CCDC93: variants seen among roughly 807,000 people sequenced by gnomAD.
CCDC93 encodes coiled-coil domain-containing protein 93.
CCDC93 carries 61 observed loss-of-function variants against 108.2 expected under a neutral mutation model. The ratio of observed to expected loss-of-function variants is 0.56; its 90% confidence interval spans 0.46 to 0.70. The LOEUF (loss-of-function observed/expected upper bound fraction) is 0.70, where lower values mean the gene tolerates loss of function less well. Ranked by LOEUF, CCDC93 falls within the 30% of genes least tolerant of loss-of-function variation. The probability of loss-of-function intolerance (pLI) is 0.00; values close to 1 mark genes in which losing one functional copy is unlikely to be tolerated. For synonymous variants in CCDC93, 276 were observed against 260.4 expected, an observed-to-expected ratio of 1.06 and a Z score of -0.58; for missense variants, 685 against 764.2, an observed-to-expected ratio of 0.90 and a Z score of 1.22.
chr2:117,953,265 T>C (rs1200409870), intron 12 of CCDC93, among the ~76,000 whole-genome samples: 1 of 152,216 alleles, frequency 6.6e-6, no homozygotes, highest in South Asian at 2.1e-4. Flanking sequence ...TTAAGAGTTA[T>C]GTCACCTTCA....
rs1677751846 is a variant in CCDC93 at position 117,918,257 on chromosome 2, C to A, written c.*2086G>T. On this transcript the variant is annotated 3_prime_UTR_variant, in exon 24 of 24. Coordinates refer to ENST00000376300, the MANE Select transcript of CCDC93 (RefSeq NM_019044.5). Reference sequence around the variant, plus strand: ...TTGAGCTCAAACTGGCTTCTGTAGTCTAATTCAAAGTGTATTCAGGCAACA... The same window carrying A: ...TTGAGCTCAAACTGGCTTCTGTAGTATAATTCAAAGTGTATTCAGGCAACA... 6.6e-6 allele frequency: 1 copy of A among 151,924 alleles called. No homozygotes were observed. The highest frequency in any genetic ancestry group is 2.1e-4 in the South Asian group (1 of 4,822). The allele number at this position is 151,924 out of a possible 1,614,324, so 9.4% of individuals were successfully genotyped here. A position where few individuals can be genotyped will look rare whatever the true frequency, so the allele number is the denominator to read the frequency against.
In CCDC93 at chr2:117,974,848, ACCT is replaced by A. The variant is rs781107215; in HGVS notation, c.800_801+1del. 2.8e-5 allele frequency: 44 copies of A among 1,569,244 alleles called. No homozygotes were observed. Among genetic ancestry groups the A allele is most frequent in the South Asian group, 3.5e-5 (3 of 85,166 alleles). On this transcript the variant is annotated splice_donor_variant and coding_sequence_variant, in exon 10 of 24. Coordinates refer to ENST00000376300, the MANE Select transcript of CCDC93 (RefSeq NM_019044.5). LOFTEE classifies it high-confidence loss of function. ...CCCCACACCTCCCCGACTCCCACTC[ACCT>A]CCTCATTTGCCATAGCGGTCATCTT...
rs548007544 is a variant in CCDC93 at position 117,928,665 on chromosome 2, C to G, written c.1842+2372G>C. ...GAACACTTTTACACTGTTGGTGGGA[C>G]TGTAAACTAGTTCAACCATTGTGGA... On this transcript the variant is annotated intron_variant, in intron 23 of 23. Transcript: ENST00000376300. Among the ~76,000 whole-genome samples, 6 of 152,278 alleles carry G rather than the reference C, an allele frequency of 3.9e-5. No homozygotes were observed. The East Asian group carries it at 9.7e-4, about 25-fold the overall frequency.
chr2:117,997,953 C>A (rs570067205), intron 4 of CCDC93: 63 of 152,378 alleles, frequency 4.1e-4, no homozygotes, highest in African/African-American at 1.5e-3. Context: ...TGGCTGGATC[C>A]TGGAGAGCAT....
At chr2:118,001,158 G>GT (rs1680839202) in intron 3 of CCDC93, 2 of 401,068 alleles carry the variant, frequency 5.0e-6, no homozygotes, top group Non-Finnish European at 8.9e-6. Context: ...ATTCTATAAT[G>GT]TTTTTCTTCC....
intron 7 of CCDC93, among the ~76,000 whole-genome samples, chr2:117,978,337 G>A (rs181312532): frequency 4.2e-4 from 64 of 152,224 alleles, no homozygotes; most frequent in East Asian, 2.3e-3. Flanking sequence ...TCAGAGCCAC[G>A]GTTTAAGCTA....
chr2:117,954,485 T>C (rs1679156740), intron 12 of CCDC93, among the ~76,000 whole-genome samples: 1 of 152,194 alleles, frequency 6.6e-6, no homozygotes, highest in Non-Finnish European at 1.5e-5. Context: ...ATAGGAAGTG[T>C]CCCAGTAGCT....
chr2:117,980,514 G>A (rs981514439), intron 7 of CCDC93, among the ~76,000 whole-genome samples: 2 of 152,124 alleles, frequency 1.3e-5, no homozygotes, highest in Non-Finnish European at 2.9e-5. Flanking sequence ...CCTCCTTAAA[G>A]ACAGAGGCTC....
chr2:118,003,174 G>GC (rs2104826407), intron 3 of CCDC93, among the ~76,000 whole-genome samples: 1 of 152,338 alleles, frequency 6.6e-6, no homozygotes, highest in Admixed American at 6.5e-5. Flanking sequence ...TATGTTGCCT[G>GC]CCCCACAGGG....
At chr2:117,933,146 G>A (rs144625367) in intron 22 of CCDC93, among the ~76,000 whole-genome samples, 18 of 152,290 alleles carry the variant, frequency 1.2e-4, no homozygotes, top group South Asian at 2.1e-4. Flanking sequence ...TGAATGCTAC[G>A]TCCTTTAGCT....
At chr2:117,935,767 C>A (rs1678501924) in intron 21 of CCDC93, 188 bp from the exon 22 acceptor site, 1 of 426,052 alleles carries the variant, frequency 2.3e-6, no homozygotes, top group African/African-American at 2.0e-5. Flanking sequence ...TCTGAGAAGG[C>A]ATGGAAATTA....
chr2:117,950,643 AT>A lies in CCDC93; in HGVS notation c.1069-1249del, dbSNP rs1246517513. 5.1e-6 allele frequency: 5 copies of A among 985,468 alleles called. No individual in the cohort carries two copies. The African/African-American group carries it at 8.7e-5, about 17-fold the overall frequency. The allele number at this position is 985,468 out of a possible 1,614,324, so 61.0% of individuals were successfully genotyped here. On this transcript the variant is annotated intron_variant, in intron 13 of 23. Transcript: ENST00000376300. ...TGGAATGAAAGGGTTCAGAGCGCTC[AT>A]TCTGCTTACTCCTAACCTTGATAGG...
At position 117,931,393 on chromosome 2, in the gene CCDC93, T is replaced by C. The variant is rs1678322726; in HGVS notation, c.1729-243A>G. On this transcript the variant is annotated intron_variant, in intron 22 of 23. Coordinates refer to ENST00000376300, the MANE Select transcript of CCDC93 (RefSeq NM_019044.5). ...TTCCATTTTTTTTTCTCACTACAATTTCACAATGGACAGGTTGGTGATTCT... is the reference window on the plus strand; with the variant it reads ...TTCCATTTTTTTTTCTCACTACAATCTCACAATGGACAGGTTGGTGATTCT... The C allele has an allele frequency of 1.3e-5, 5 of 380,582 alleles. No individual in the cohort carries two copies. In the East Asian group the frequency reaches 2.2e-4, roughly 17 times the overall value. 23.6% of individuals were successfully genotyped at this position (380,582 alleles called of 1,614,324 possible). A position where few individuals can be genotyped will look rare whatever the true frequency, so the allele number is the denominator to read the frequency against.
chr2:117,972,871 T>A (rs989174306), intron 11 of CCDC93, among the ~76,000 whole-genome samples: 10 of 152,172 alleles, frequency 6.6e-5, no homozygotes, highest in South Asian at 2.1e-4. Context: ...GACAGGACAC[T>A]CTGGATTCTA....
Position 117,974,169 on chromosome 2 carries a change from G to A in CCDC93, c.802-175C>T, listed in dbSNP as rs544795176. 1.2e-4 allele frequency among the ~76,000 whole-genome samples: 19 copies of A among 152,216 alleles called. 2 individuals are homozygous for A. In the South Asian group the frequency reaches 3.9e-3, roughly 32 times the overall value. On this transcript the variant is annotated intron_variant, in intron 10 of 23. Coordinates refer to ENST00000376300, the MANE Select transcript of CCDC93 (RefSeq NM_019044.5). Reference sequence around the variant, plus strand: ...ACAGAAAGGGAGAAAAGAAGCCTCAGGACAAACACGCAGCTACCTCCTGAG... The same window carrying A: ...ACAGAAAGGGAGAAAAGAAGCCTCAAGACAAACACGCAGCTACCTCCTGAG...
At position 117,949,180 on chromosome 2, in the gene CCDC93, G is replaced by C. The variant is rs763563914; in HGVS notation, c.1142+142C>G. The C allele has an allele frequency of 1.3e-3, 821 of 622,392 alleles. 6 individuals are homozygous for C. Among genetic ancestry groups the C allele is most frequent in the Non-Finnish European group, 1.7e-3 (579 of 349,844 alleles). The allele number at this position is 622,392 out of a possible 1,614,324, so 38.6% of individuals were successfully genotyped here. ...ATGGCAGAGTCACCACTTTCTGGATGAACAGTAAAATGATCTGACCTGCAG... is the reference window on the plus strand; with the variant it reads ...ATGGCAGAGTCACCACTTTCTGGATCAACAGTAAAATGATCTGACCTGCAG... On this transcript the variant is annotated intron_variant, in intron 14 of 23. Coordinates refer to ENST00000376300, the MANE Select transcript of CCDC93 (RefSeq NM_019044.5).
Position 117,973,943 on chromosome 2 carries a change from CAGCAG to C in CCDC93, c.848_852del (p.Ser283Ter). On this transcript the variant is annotated frameshift_variant, in exon 11 of 24. Transcript: ENST00000376300. LOFTEE classifies it high-confidence loss of function. ...TACTCGGACACAATCTGCTTGATCT[CAGCAG>C]AGCAGAGTCCCACAATCTGGCCCAC... 6.2e-7 allele frequency: 1 copy of C among 1,612,400 alleles called. No individual in the cohort carries two copies. Among genetic ancestry groups the C allele is most frequent in the Non-Finnish European group, 8.5e-7 (1 of 1,179,288 alleles).
chr2:117,923,220 C>A (rs1206991645), intron 23 of CCDC93, among the ~76,000 whole-genome samples: 2 of 152,142 alleles, frequency 1.3e-5, no homozygotes, highest in African/African-American at 4.8e-5. Context: ...TCTGCATTTC[C>A]AACTGAGGTA....
Position 118,014,067 on chromosome 2 carries a change from A to T in CCDC93, c.-72T>A, listed in dbSNP as rs1367042566. 2 of 1,559,116 alleles carry T rather than the reference A, an allele frequency of 1.3e-6. No homozygotes were observed. The highest frequency in any genetic ancestry group is 1.7e-6 in the Non-Finnish European group (2 of 1,152,258). ...CCGGAGGAAGCTGTCCCTGCCGCGG[A>T]GCTGCTACCGGGGTGGAGTACAAAG... On this transcript the variant is annotated 5_prime_UTR_variant, in exon 1 of 24. Coordinates refer to ENST00000376300, the MANE Select transcript of CCDC93 (RefSeq NM_019044.5).
Sources: gnomAD v4.1 joint callset for allele counts (sites outside exome capture counted in the v4.1 genomes callset) on GRCh38, gnomAD v4.1.1 for gene constraint, MANE v1.5 for transcripts, NCBI Gene and HGNC (gene_info 2026-07-23, HGNC 2026-07-21) for gene names.